AGL: variants seen among roughly 807,000 people sequenced by gnomAD.
AGL encodes the protein glycogen debranching enzyme.
AGL carries 128 observed loss-of-function variants against 199.3 expected under a neutral mutation model. The ratio of observed to expected loss-of-function variants is 0.64; its 90% CI spans 0.56 to 0.74. The LOEUF (loss-of-function observed/expected upper bound fraction) is 0.74. Ranked by LOEUF, AGL falls within the 30% of genes least tolerant of loss-of-function variation. The pLI is 0.00. For missense variants in AGL, 1,809 were observed against 1,820.8 expected (o/e 0.99, Z 0.12); for synonymous variants, 584 against 594.7 (o/e 0.98, Z 0.26).
chr1:99,862,951 T>A lies in AGL; in HGVS notation c.460+528T>A, dbSNP rs565695984. On this transcript the variant is annotated intron_variant, in intron 4 of 33. Transcript: ENST00000361915. ...TAGATAGAACCATATTAAAAAAAAA[T>A]TTTTTTTTTTTGAGACGGAGTATCA... Among the ~76,000 whole-genome samples the A allele has an allele frequency of 3.9e-3, 551 of 140,952 alleles. 5 individuals are homozygous for A. Among genetic ancestry groups the A allele is most frequent in the African/African-American group, 0.013 (517 of 39,700 alleles). The allele number at this position is 140,952 out of a possible 152,430, so 92.5% of individuals were successfully genotyped here.
rs12118058 is a variant in AGL at position 99,916,709 on chromosome 1, C to G, written c.4459C>G (p.Arg1487Gly). Residue 1487 changes from arginine (R) to glycine (G), a missense_variant, in exon 33 of 34, where the codon CGA (arginine) becomes GGA (glycine). Transcript: ENST00000361915. ...AGTTTTGGTTAAAAATGTTCTTTCCCGACATTATGTTCATCTTGAGAGGTA... is the reference window on the plus strand; with the variant it reads ...AGTTTTGGTTAAAAATGTTCTTTCCGGACATTATGTTCATCTTGAGAGGTA... The part of the protein sequence containing the change: ...TIVLVKNVLS[R>G]HYVHLERSPW... The G allele has an allele frequency of 2.5e-6, 4 of 1,613,120 alleles. No individual in the cohort carries two copies. The highest frequency in any genetic ancestry group is 3.4e-6 in the Non-Finnish European group (4 of 1,179,452).
intron 2 of AGL, among the ~76,000 whole-genome samples, chr1:99,854,633 G>A (rs1180048772): frequency 2.0e-5 from 3 of 151,934 alleles, no homozygotes; most frequent in Non-Finnish European, 2.9e-5. Flanking sequence ...GCCTGGTGGC[G>A]GGCGCCTCTA....
intron 2 of AGL, among the ~76,000 whole-genome samples, chr1:99,855,215 A>G (rs980078995): frequency 1.3e-5 from 2 of 152,030 alleles, no homozygotes. Context: ...AAAAAGAAAA[A>G]AGAAAAAGAG....
In AGL at chr1:99,910,942, C is replaced by T. The variant is rs1278436955; in HGVS notation, c.3836+95C>T. The T allele has an allele frequency of 3.7e-6, 5 of 1,349,368 alleles. No individual in the cohort carries two copies. The African/African-American group carries it at 4.4e-5, about 12-fold the overall frequency. 83.6% of individuals were successfully genotyped at this position (1,349,368 alleles called of 1,614,324 possible). On this transcript the variant is annotated intron_variant, in intron 28 of 33. Coordinates refer to ENST00000361915, the MANE Select transcript of AGL (RefSeq NM_000642.3). ...TATTCTGTTAACTATGAACTCTTTA[C>T]ATTAAGTCAATCAAAATTTCCCTGC...
Position 99,922,096 on chromosome 1 carries a change from G to A in AGL, c.*445G>A, listed in dbSNP as rs1375672426. 1 of 152,536 alleles carries A rather than the reference G, an allele frequency of 6.6e-6. No homozygotes were observed. The highest frequency in any genetic ancestry group is 6.5e-5 in the Admixed American group (1 of 15,326). 9.4% of individuals were successfully genotyped at this position (152,536 alleles called of 1,614,324 possible). A position where few individuals can be genotyped will look rare whatever the true frequency, so the allele number is the denominator to read the frequency against. On this transcript the variant is annotated 3_prime_UTR_variant, in exon 34 of 34. Transcript: ENST00000361915. ...CACGTACTATAGTATTCTTAATACA[G>A]TGCTCACTGCATTTAATAAATATTT...
chr1:99,886,302 C>G (rs528186015), intron 20 of AGL, among the ~76,000 whole-genome samples: 2 of 152,052 alleles, frequency 1.3e-5, no homozygotes, highest in South Asian at 4.1e-4. Context: ...ATAGTGAGAC[C>G]CTATCTCTAC....
At chr1:99,897,211 A>G (rs1653400044) in intron 25 of AGL, among the ~76,000 whole-genome samples, 1 of 152,218 alleles carries the variant, frequency 6.6e-6, no homozygotes, top group Non-Finnish European at 1.5e-5. Context: ...AATGCATTCC[A>G]CACATCAGTA....
intron 5 of AGL, among the ~76,000 whole-genome samples, chr1:99,865,201 GTTT>G (rs1650409252): frequency 6.6e-6 from 1 of 151,932 alleles, no homozygotes; most frequent in Non-Finnish European, 1.5e-5. Context: ...ACTATCTATA[GTTT>G]TACACATCCA....
intron 21 of AGL, among the ~76,000 whole-genome samples, chr1:99,889,241 A>G (rs1474181138): frequency 6.6e-6 from 1 of 152,212 alleles, no homozygotes; most frequent in Non-Finnish European, 1.5e-5. Context: ...CACTTTCAGA[A>G]AGAAGAATTA....
chr1:99,859,411 C>CT (rs2307533), intron 2 of AGL, among the ~76,000 whole-genome samples: 4 of 151,604 alleles, frequency 2.6e-5, no homozygotes, highest in East Asian at 1.9e-4. Context: ...GCCTTTTTCC[C>CT]GTTTGTAGTA....
chr1:99,920,397 C>T (rs1414669584), intron 33 of AGL, among the ~76,000 whole-genome samples: 2 of 152,174 alleles, frequency 1.3e-5, no homozygotes, highest in African/African-American at 4.8e-5. Flanking sequence ...TAACTAATTA[C>T]ATCTGCAGTG....
chr1:99,888,200 G>A, intron 21 of AGL, 92 bp downstream of exon 21: 1 of 1,531,042 alleles, frequency 6.5e-7, no homozygotes, highest in Non-Finnish European at 8.9e-7. Flanking sequence ...CTCAGAGTAT[G>A]CCTACTTGGG....
In AGL at chr1:99,881,710, T is replaced by C. The variant is rs184003726; in HGVS notation, c.2308+19T>C. On this transcript the variant is annotated intron_variant, in intron 17 of 33. Coordinates refer to ENST00000361915, the MANE Select transcript of AGL (RefSeq NM_000642.3). The stretch of plus-strand genomic sequence containing the variant: ...ATCCCTGGTAATGCAATCTAAAAAT[T>C]GTTACTGTATTTGTATTATATTATT... The C allele has an allele frequency of 1.0e-5, 16 of 1,603,922 alleles. No homozygotes were observed. The East Asian group carries it at 3.6e-4, about 36-fold the overall frequency.
chr1:99,861,765 T>G (rs1211291746), intron 3 of AGL, 52 bp downstream of exon 3: 3 of 1,583,142 alleles, frequency 1.9e-6, no homozygotes, highest in Non-Finnish European at 2.6e-6. Flanking sequence ...TTCTGTAATT[T>G]GAAGTCACCT....
rs542019285 is a variant in AGL, at chr1:99,913,830, T to C, written c.4161+92T>C. ...CCATTTGTTTTCAAATTCACTTCAT[T>C]GCTAAAAAGTAGTATATTGCTTACT... On this transcript the variant is annotated intron_variant, in intron 30 of 33. Transcript: ENST00000361915. 297 of 1,235,754 alleles carry C rather than the reference T, an allele frequency of 2.4e-4. 2 individuals carry two copies. The South Asian group carries it at 3.5e-3, about 14-fold the overall frequency. 76.5% of individuals were successfully genotyped at this position (1,235,754 alleles called of 1,614,324 possible). A position where few individuals can be genotyped will look rare whatever the true frequency, so the allele number is the denominator to read the frequency against.
At chr1:99,863,582 A>G (rs1174824805) in intron 4 of AGL, among the ~76,000 whole-genome samples, 2 of 151,698 alleles carry the variant, frequency 1.3e-5, no homozygotes, top group African/African-American at 2.4e-5. Flanking sequence ...CCTCCCGAGT[A>G]GCTTGGGACT....
At chr1:99,871,534 A>G (rs1245917709) in intron 7 of AGL, among the ~76,000 whole-genome samples, 2 of 152,102 alleles carry the variant, frequency 1.3e-5, no homozygotes, top group Non-Finnish European at 2.9e-5. Context: ...ACAACCTAGC[A>G]GTGAGGATTT....
At chr1:99,917,182 ATTAT>A (rs1461111510) in intron 33 of AGL, among the ~76,000 whole-genome samples, 1 of 152,148 alleles carries the variant, frequency 6.6e-6, no homozygotes, top group Non-Finnish European at 1.5e-5. Context: ...CCTTGTCCTA[ATTAT>A]TAGCAAATAG....
intron 24 of AGL, among the ~76,000 whole-genome samples, chr1:99,893,119 A>T (rs539008673): frequency 3.9e-5 from 6 of 152,328 alleles, no homozygotes; most frequent in African/African-American, 1.4e-4. Flanking sequence ...AGTAAGCAAA[A>T]TAGGCTAAAG....
Sources: gnomAD v4.1 joint callset for allele counts (sites outside exome capture counted in the v4.1 genomes callset) on GRCh38, gnomAD v4.1.1 for gene constraint, MANE v1.5 for transcripts, NCBI Gene and HGNC (gene_info 2026-07-23, HGNC 2026-07-21) for gene names.